The following TBC1D14 variants were observed in gnomAD, a reference collection of about 807,000 sequenced individuals.
The protein encoded by TBC1D14 is TBC1 domain family member 14.
A neutral mutation model predicts 79.0 loss-of-function variants in TBC1D14; 26 were observed. The observed-to-expected ratio is 0.33, with a 90% CI of 0.24 to 0.46. The LOEUF is 0.46. Among genes scored for constraint, TBC1D14 ranks in the 20% least tolerant of loss-of-function variants. TBC1D14 has a pLI of 1.00. For synonymous variants in TBC1D14, 394 were observed against 349.9 expected (o/e 1.13, Z -1.40); for missense variants, 769 against 887.6 (o/e 0.87, Z 1.70).
In TBC1D14 at chr4:6,999,103, G is replaced by A. The variant is rs1193354029; in HGVS notation, c.1064G>A (p.Arg355Gln). 5 of 1,614,056 alleles carry A rather than the reference G, an allele frequency of 3.1e-6. No homozygotes were observed. The highest frequency in any genetic ancestry group is 2.7e-5 in the African/African-American group (2 of 74,926). ...AKKRELKEAQRRKKQLEERCR... is the reference protein window; with the variant it reads ...AKKRELKEAQQRKKQLEERCR... The stretch of plus-strand genomic sequence containing the variant: ...TTTCTAGAGCTGAAAGAAGCCCAGC[G>A]AAGGAAGAAGCAGCTGGAAGAAAGA... The change falls in exon 6 of 14, where the codon CGA becomes CAA. Residue 355 changes from arginine to glutamine, a missense_variant. Arg to Gln is a conservative substitution (Grantham distance 43). Transcript: ENST00000409757.
At chr4:6,912,396 TA>T (rs569721633) in intron 1 of TBC1D14, among the ~76,000 whole-genome samples, 6 of 151,146 alleles carry the variant, frequency 4.0e-5, no homozygotes, top group Admixed American at 2.0e-4. Context: ...AAAAATAAAA[TA>T]AAAAAAATAA....
At position 6,923,657 on chromosome 4, in the gene TBC1D14, C is replaced by A; in HGVS notation, c.268C>A (p.Gln90Lys). Residue 90 changes from glutamine to lysine, a missense_variant, in exon 2 of 14, where the codon CAG becomes AAG. Gln to Lys is a moderately conservative substitution (Grantham distance 53). Transcript: ENST00000409757. The stretch of plus-strand genomic sequence containing the variant: ...CAGCGCGGTCCACGTGAGGAGGAAG[C>A]AGTCCGACTCCGACCTCATCCCCGA... The part of the protein sequence containing the change: ...PCSAVHVRRK[Q>K]SDSDLIPERA... 1 of 1,613,890 alleles carries A rather than the reference C, an allele frequency of 6.2e-7. No homozygotes were observed. Among genetic ancestry groups the A allele is most frequent in the South Asian group, 1.1e-5 (1 of 91,086 alleles).
At position 7,030,585 on chromosome 4, in the gene TBC1D14, G is replaced by T. The variant is rs909324319; in HGVS notation, c.*193G>T. Reference sequence around the variant, plus strand: ...TTAAACCAAGGCTTAGCCTTAAGCAGCTCAGTGGAAGGATGAGCTGCTGCG... The same window carrying T: ...TTAAACCAAGGCTTAGCCTTAAGCATCTCAGTGGAAGGATGAGCTGCTGCG... On this transcript the variant is annotated 3_prime_UTR_variant, in exon 14 of 14. Coordinates refer to ENST00000409757, the MANE Select transcript of TBC1D14 (RefSeq NM_020773.3). 5.7e-6 allele frequency: 3 copies of T among 530,680 alleles called. No individual in the cohort carries two copies. Among genetic ancestry groups the T allele is most frequent in the South Asian group, 2.1e-5 (1 of 46,876 alleles). 32.9% of individuals were successfully genotyped at this position (530,680 alleles called of 1,614,324 possible). A position where few individuals can be genotyped will look rare whatever the true frequency, so the allele number is the denominator to read the frequency against.
intron 12 of TBC1D14, among the ~76,000 whole-genome samples, chr4:7,020,775 G>C (rs1383436513): frequency 6.6e-6 from 1 of 151,990 alleles, no homozygotes; most frequent in Non-Finnish European, 1.5e-5. Flanking sequence ...ATCTTGGCTC[G>C]CTGCAGCCTC....
intron 2 of TBC1D14, among the ~76,000 whole-genome samples, chr4:6,925,064 G>A (rs1276760175): frequency 6.6e-6 from 1 of 152,132 alleles, no homozygotes; most frequent in Non-Finnish European, 1.5e-5. Flanking sequence ...AGGCTGAGGT[G>A]GGTGGAGCAC....
chr4:7,002,015 T>C (rs1168217858), intron 7 of TBC1D14, among the ~76,000 whole-genome samples: 9 of 152,210 alleles, frequency 5.9e-5, no homozygotes, highest in Non-Finnish European at 1.5e-5. Context: ...TTTATGCTCA[T>C]GAAGGCCTTG....
intron 2 of TBC1D14, among the ~76,000 whole-genome samples, chr4:6,961,477 C>T (rs527780718): frequency 2.0e-4 from 30 of 152,172 alleles, no homozygotes; most frequent in Non-Finnish European, 2.9e-4. Flanking sequence ...GCCCAGTCCA[C>T]GAGGAGCTGA....
At chr4:6,945,719 A>G (rs1447029530) in intron 2 of TBC1D14, among the ~76,000 whole-genome samples, 1 of 133,656 alleles carries the variant, frequency 7.5e-6, no homozygotes, top group East Asian at 2.4e-4. Context: ...ATTGCGCTCC[A>G]GCCTGGGCAA....
intron 3 of TBC1D14, among the ~76,000 whole-genome samples, chr4:6,975,307 C>T (rs535642486): frequency 1.1e-4 from 16 of 152,344 alleles, no homozygotes; most frequent in African/African-American, 3.8e-4. Flanking sequence ...CTCCCAGGCT[C>T]AAGCGATCCT....
At position 7,009,742 on chromosome 4, in the gene TBC1D14, T is replaced by C. The variant is rs1720555077; in HGVS notation, c.1447-135T>C. On this transcript the variant is annotated intron_variant, in intron 9 of 13. Transcript: ENST00000409757. ...AAATTCCATATGCATATAGAGCTGC[T>C]GGCATCATGCTTGGCATATTTCATA... The C allele has an allele frequency of 3.4e-6, 3 of 876,730 alleles. No individual in the cohort carries two copies. The East Asian group carries it at 7.3e-5, about 21-fold the overall frequency. The allele number at this position is 876,730 out of a possible 1,614,324, so 54.3% of individuals were successfully genotyped here.
chr4:6,912,278 G>C (rs1211616534), intron 1 of TBC1D14, among the ~76,000 whole-genome samples: 2 of 151,926 alleles, frequency 1.3e-5, no homozygotes, highest in East Asian at 3.9e-4. Flanking sequence ...TACTTGGGAG[G>C]CCGAGGCAGG....
At chr4:7,019,166 C>A (rs190710616) in intron 12 of TBC1D14, among the ~76,000 whole-genome samples, 1 of 152,064 alleles carries the variant, frequency 6.6e-6, no homozygotes, top group Non-Finnish European at 1.5e-5. Flanking sequence ...GGACTGCAGG[C>A]GCCCGCCACC....
intron 2 of TBC1D14, among the ~76,000 whole-genome samples, chr4:6,940,847 C>T (rs1307230480): frequency 6.6e-6 from 1 of 152,170 alleles, no homozygotes; most frequent in African/African-American, 2.4e-5. Flanking sequence ...GTGCCTGTTA[C>T]AGCAGTCCAT....
At chr4:6,990,029 T>G (rs1408498054) in intron 3 of TBC1D14, among the ~76,000 whole-genome samples, 1 of 152,264 alleles carries the variant, frequency 6.6e-6, no homozygotes, top group Admixed American at 6.5e-5. Context: ...TGTACTGACA[T>G]AACTAAGTGT....
At chr4:6,941,080 A>T (rs1210019223) in intron 2 of TBC1D14, among the ~76,000 whole-genome samples, 1 of 152,058 alleles carries the variant, frequency 6.6e-6, no homozygotes, top group East Asian at 1.9e-4. Flanking sequence ...TCCGTGATCA[A>T]CCAGTGCTCG....
chr4:7,007,581 G>A (rs1284809386), intron 9 of TBC1D14: 1 of 1,289,252 alleles, frequency 7.8e-7, no homozygotes, highest in Non-Finnish European at 1.0e-6. Context: ...GAAGAGGAAA[G>A]AGAGGGAATC....
chr4:7,027,713 CCA>C (rs1308081522), intron 13 of TBC1D14, among the ~76,000 whole-genome samples: 1 of 111,146 alleles, frequency 9.0e-6, no homozygotes, highest in Non-Finnish European at 1.8e-5. Context: ...CATCACACAA[CCA>C]CACACAATCA....
At chr4:6,942,604 G>A (rs1713015959) in intron 2 of TBC1D14, among the ~76,000 whole-genome samples, 1 of 152,210 alleles carries the variant, frequency 6.6e-6, no homozygotes, top group Admixed American at 6.5e-5. Context: ...AAAGTTAGAG[G>A]TTAGCTTTAA....
At chr4:6,925,924 A>T (rs1724258892) in intron 2 of TBC1D14, among the ~76,000 whole-genome samples, 1 of 152,190 alleles carries the variant, frequency 6.6e-6, no homozygotes, top group South Asian at 2.1e-4. Context: ...GGGCCTGAGG[A>T]TGGGTTTTCA....
Sources: allele counts gnomAD v4.1 joint callset (sites outside exome capture counted in the v4.1 genomes callset), GRCh38; gene constraint gnomAD v4.1.1; transcripts MANE v1.5; gene names NCBI Gene and HGNC (gene_info 2026-07-23, HGNC 2026-07-21).